The following DOK6 variants were observed in gnomAD, a reference collection of about 807,000 sequenced individuals.
The protein encoded by DOK6 is downstream of tyrosine kinase 6.
DOK6 carries 22 observed loss-of-function variants against 44.0 expected under a neutral mutation model. The ratio of observed to expected loss-of-function variants is 0.50; its 90% CI spans 0.36 to 0.71. The LOEUF (loss-of-function observed/expected upper bound fraction) is 0.71, where lower values mean the gene tolerates loss of function less well. Ranked by LOEUF, DOK6 falls within the 30% of genes least tolerant of loss-of-function variation. The pLI is 0.00. For missense variants in DOK6, 340 were observed against 416.4 expected, an observed-to-expected ratio of 0.82 and a Z score of 1.60; for synonymous variants, 166 against 145.5, an observed-to-expected ratio of 1.14 and a Z score of -1.01.
chr18:69,713,283 G>T (rs990144819), intron 5 of DOK6, among the ~76,000 whole-genome samples: 1 of 152,160 alleles, frequency 6.6e-6, no homozygotes. Flanking sequence ...TGCTGAATTG[G>T]GGAAGAAAAG....
intron 4 of DOK6, among the ~76,000 whole-genome samples, chr18:69,693,801 G>C (rs574707153): frequency 6.6e-6 from 1 of 151,934 alleles, no homozygotes; most frequent in East Asian, 1.9e-4. Context: ...GTTCACGCCT[G>C]TAATCCCAGC....
chr18:69,483,954 A>G (rs1243206823), intron 1 of DOK6, among the ~76,000 whole-genome samples: 2 of 152,064 alleles, frequency 1.3e-5, no homozygotes, highest in African/African-American at 4.8e-5. Context: ...AATAACTTAA[A>G]TATCTACATA....
At chr18:69,733,002 A>G in intron 5 of DOK6, among the ~76,000 whole-genome samples, 1 of 152,160 alleles carries the variant, frequency 6.6e-6, no homozygotes, top group East Asian at 1.9e-4. Context: ...ATCATGGCAG[A>G]AGGGGAAGTA....
rs142647397 is a variant in DOK6 at position 69,788,358 on chromosome 18, C to T, written c.856+30485C>T. On this transcript the variant is annotated intron_variant, in intron 7 of 7. Transcript: ENST00000382713. Reference sequence around the variant, plus strand: ...CACTCACTTAAACAATTGTGTAGTTCACAAACACGGAGGGATGACTAACTT... The same window carrying T: ...CACTCACTTAAACAATTGTGTAGTTTACAAACACGGAGGGATGACTAACTT... Among the ~76,000 whole-genome samples, 352 of 152,268 alleles carry T rather than the reference C, an allele frequency of 2.3e-3. 1 individual carries two copies. The highest frequency in any genetic ancestry group is 8.0e-3 in the African/African-American group (334 of 41,568).
intron 1 of DOK6, among the ~76,000 whole-genome samples, chr18:69,441,060 C>G (rs903719432): frequency 6.6e-6 from 1 of 152,088 alleles, no homozygotes; most frequent in Non-Finnish European, 1.5e-5. Flanking sequence ...AATTAATTCT[C>G]TATTCCCTAT....
chr18:69,475,804 A>G (rs1202394579), intron 1 of DOK6, among the ~76,000 whole-genome samples: 8 of 152,252 alleles, frequency 5.3e-5, no homozygotes, highest in African/African-American at 1.4e-4. Flanking sequence ...ATTAGACACA[A>G]GTTAACTTTC....
At chr18:69,667,646 T>C (rs1434218118) in intron 3 of DOK6, among the ~76,000 whole-genome samples, 1 of 152,236 alleles carries the variant, frequency 6.6e-6, no homozygotes, top group Admixed American at 6.5e-5. Context: ...CTCCTTGAAA[T>C]ATTTTTTGTT....
chr18:69,410,806 C>T (rs1263833786), intron 1 of DOK6, among the ~76,000 whole-genome samples: 1 of 152,130 alleles, frequency 6.6e-6, no homozygotes, highest in African/African-American at 2.4e-5. Flanking sequence ...TCACTGAGTT[C>T]TGAACAATGC....
chr18:69,509,658 AAAAAAC>A (rs1568280632), intron 1 of DOK6, among the ~76,000 whole-genome samples: 1 of 118,174 alleles, frequency 8.5e-6, no homozygotes. Flanking sequence ...AAAAAAAAAA[AAAAAAC>A]ACACAAGTCA....
At chr18:69,420,598 C>T (rs886196776) in intron 1 of DOK6, among the ~76,000 whole-genome samples, 1 of 152,072 alleles carries the variant, frequency 6.6e-6, no homozygotes, top group Admixed American at 6.5e-5. Context: ...CCCATTAACT[C>T]GTCATTTACA....
intron 5 of DOK6, among the ~76,000 whole-genome samples, chr18:69,713,073 C>T (rs943288150): frequency 1.3e-5 from 2 of 152,206 alleles, no homozygotes; most frequent in African/African-American, 4.8e-5. Flanking sequence ...GTTACTCTCT[C>T]ACAAATGATC....
intron 3 of DOK6, chr18:69,662,248 G>A (rs1001824852): frequency 1.3e-5 from 2 of 152,284 alleles, no homozygotes; most frequent in Non-Finnish European, 2.9e-5. Flanking sequence ...CCGCAGTGCT[G>A]GGATTACAGG....
At chr18:69,773,438 A>G (rs1345992443) in intron 7 of DOK6, among the ~76,000 whole-genome samples, 2 of 151,964 alleles carry the variant, frequency 1.3e-5, no homozygotes. Context: ...ATGGAAACAA[A>G]TGTTTGTTGA....
intron 3 of DOK6, among the ~76,000 whole-genome samples, chr18:69,653,752 C>T (rs1427554375): frequency 6.6e-6 from 1 of 152,146 alleles, no homozygotes; most frequent in Admixed American, 6.5e-5. Context: ...ATAAAGATAA[C>T]ATCATTCAGA....
At chr18:69,496,881 G>A (rs1408439155) in intron 1 of DOK6, among the ~76,000 whole-genome samples, 1 of 152,146 alleles carries the variant, frequency 6.6e-6, no homozygotes, top group African/African-American at 2.4e-5. Flanking sequence ...TTGAAAATTT[G>A]TTGGATGCAA....
chr18:69,515,305 G>A (rs1416151040), intron 1 of DOK6, among the ~76,000 whole-genome samples: 1 of 152,142 alleles, frequency 6.6e-6, no homozygotes, highest in African/African-American at 2.4e-5. Flanking sequence ...CCTTTCTAAT[G>A]CATATGAAAG....
intron 1 of DOK6, among the ~76,000 whole-genome samples, chr18:69,536,322 AG>A (rs1982121677): frequency 6.6e-6 from 1 of 152,214 alleles, no homozygotes; most frequent in African/African-American, 2.4e-5. Context: ...CTCTAGTATG[AG>A]TAGAATGCAA....
intron 7 of DOK6, among the ~76,000 whole-genome samples, chr18:69,817,167 C>T (rs1981423878): frequency 6.6e-6 from 1 of 152,098 alleles, no homozygotes; most frequent in Non-Finnish European, 1.5e-5. Context: ...TTTCATAAAA[C>T]ATTTTTATAC....
chr18:69,759,283 T>C (rs563649786), intron 7 of DOK6, among the ~76,000 whole-genome samples: 2 of 152,310 alleles, frequency 1.3e-5, no homozygotes, highest in East Asian at 3.9e-4. Flanking sequence ...GTCATGATCA[T>C]GCAAAATTAA....
Sources: gnomAD v4.1 joint callset for allele counts (sites outside exome capture counted in the v4.1 genomes callset) on GRCh38, gnomAD v4.1.1 for gene constraint, MANE v1.5 for transcripts, NCBI Gene and HGNC (gene_info 2026-07-23, HGNC 2026-07-21) for gene names.